Variants in CCSER1 observed in about 807,000 individuals in gnomAD.
The protein encoded by CCSER1 is serine-rich coiled-coil domain-containing protein 1.
A neutral mutation model predicts 82.0 loss-of-function variants in CCSER1; 41 were observed. The observed-to-expected ratio is 0.50, with a 90% CI of 0.39 to 0.65. CCSER1 has a LOEUF of 0.65. CCSER1 is among the 30% of genes least tolerant of loss of function. The pLI, the probability that CCSER1 is intolerant of heterozygous loss-of-function variation, is 0.00. For missense variants in CCSER1, 1,119 were observed against 1,064.2 expected (o/e 1.05, Z -0.72); for synonymous variants, 414 against 383.9 (o/e 1.08, Z -0.92).
chr4:91,089,806 T>G (rs1723766555), intron 10 of CCSER1, among the ~76,000 whole-genome samples: 2 of 152,168 alleles, frequency 1.3e-5, no homozygotes, highest in African/African-American at 4.8e-5. Context: ...TGGGTACATG[T>G]GCCAGTTTTG....
intron 7 of CCSER1, among the ~76,000 whole-genome samples, chr4:90,763,416 A>C (rs1336376105): frequency 6.6e-6 from 1 of 152,112 alleles, no homozygotes; most frequent in East Asian, 1.9e-4. Context: ...AAACAATATT[A>C]AAATTGTTTC....
intron 6 of CCSER1, among the ~76,000 whole-genome samples, chr4:90,639,282 A>G (rs1579638716): frequency 6.6e-6 from 1 of 151,908 alleles, no homozygotes; most frequent in East Asian, 1.9e-4. Context: ...TTGAATCAAT[A>G]TCAATAAAAT....
intron 10 of CCSER1, among the ~76,000 whole-genome samples, chr4:91,225,922 A>T (rs902344045): frequency 6.6e-6 from 1 of 152,016 alleles, no homozygotes; most frequent in African/African-American, 2.4e-5. Context: ...AGCATGCCAC[A>T]AAAGGGAGGT....
intron 10 of CCSER1, chr4:91,112,587 A>C (rs1484512471): frequency 6.6e-6 from 1 of 152,156 alleles, no homozygotes; most frequent in African/African-American, 2.4e-5. Flanking sequence ...GAAAACATTG[A>C]ATCAACCATA....
chr4:90,626,647 T>C (rs1041609443), intron 5 of CCSER1, among the ~76,000 whole-genome samples: 1 of 152,188 alleles, frequency 6.6e-6, no homozygotes, highest in Non-Finnish European at 1.5e-5. Context: ...TAAGTATGTA[T>C]TGCCAGCATT....
intron 10 of CCSER1, among the ~76,000 whole-genome samples, chr4:91,543,993 T>C (rs1761747562): frequency 6.6e-6 from 1 of 152,152 alleles, no homozygotes; most frequent in Non-Finnish European, 1.5e-5. Context: ...GGAGGCTTTG[T>C]TGGTTTCTTT....
Position 90,853,900 on chromosome 4 carries a change from G to A in CCSER1, c.2094+38055G>A, listed in dbSNP as rs148558709. ...AAGGTGTAACAATAAACCATGGGAA[G>A]AGGGGGATGCAGCCCACCTACCCCA... On this transcript the variant is annotated intron_variant, in intron 8 of 10. Coordinates refer to ENST00000509176, the MANE Select transcript of CCSER1 (RefSeq NM_001145065.2). Among the ~76,000 whole-genome samples the A allele has an allele frequency of 5.3e-3, 808 of 152,228 alleles. 8 individuals are homozygous for A. The highest frequency in any genetic ancestry group is 0.018 in the African/African-American group (756 of 41,558).
chr4:90,429,883 T>C (rs1320009265), intron 4 of CCSER1, among the ~76,000 whole-genome samples: 1 of 151,866 alleles, frequency 6.6e-6, no homozygotes, highest in Non-Finnish European at 1.5e-5. Flanking sequence ...GTAGTAGAGA[T>C]TGGGATAAAT....
chr4:90,393,884 A>T (rs7660558), intron 3 of CCSER1, among the ~76,000 whole-genome samples: 13,484 of 146,904 alleles, frequency 0.092, 1,168 homozygotes, highest in African/African-American at 0.23. Context: ...GCTCAAGCAG[A>T]CTTCTTGCCT....
At chr4:90,506,569 C>A (rs1232442385) in intron 5 of CCSER1, among the ~76,000 whole-genome samples, 1 of 151,948 alleles carries the variant, frequency 6.6e-6, no homozygotes. Flanking sequence ...TCGAGACCAG[C>A]CTAGGCAACA....
chr4:90,632,539 C>T (rs1724648029), intron 6 of CCSER1, among the ~76,000 whole-genome samples: 3 of 151,970 alleles, frequency 2.0e-5, no homozygotes, highest in Non-Finnish European at 4.4e-5. Flanking sequence ...GTGAATCTAA[C>T]ATTGTGTTTG....
rs149925030 is a variant in CCSER1 at position 91,363,481 on chromosome 4, TA to T, written c.2218-235088del. Among the ~76,000 whole-genome samples, 1,055 of 151,470 alleles carry T rather than the reference TA, an allele frequency of 7.0e-3. 24 individuals carry two copies. Among genetic ancestry groups the T allele is most frequent in the African/African-American group, 0.024 (996 of 41,400 alleles). ...CTGTTGAAACAGCTGATTCAGTAACTAAACTGGCTTGTCAAGGAATAACTGA... is the reference window on the plus strand; with the variant it reads ...CTGTTGAAACAGCTGATTCAGTAACTAACTGGCTTGTCAAGGAATAACTGA... On this transcript the variant is annotated intron_variant, in intron 10 of 10. Transcript: ENST00000509176.
chr4:90,937,476 T>G (rs1296285040), intron 9 of CCSER1, among the ~76,000 whole-genome samples: 1 of 81,640 alleles, frequency 1.2e-5, no homozygotes. Flanking sequence ...TATTTCTAAT[T>G]TGAAACACAC....
intron 8 of CCSER1, among the ~76,000 whole-genome samples, chr4:90,907,810 A>C (rs912850312): frequency 2.0e-4 from 30 of 152,110 alleles, no homozygotes; most frequent in African/African-American, 7.0e-4. Flanking sequence ...CCCTTAGTTC[A>C]GATTTCATTT....
chr4:91,080,523 A>G (rs1722589769), intron 9 of CCSER1, among the ~76,000 whole-genome samples: 1 of 152,210 alleles, frequency 6.6e-6, no homozygotes, highest in Non-Finnish European at 1.5e-5. Flanking sequence ...AAGCAAGAGC[A>G]AACACATTCA....
In CCSER1 at chr4:90,797,117, A is replaced by G. The variant is rs1034744392; in HGVS notation, c.2011-18645A>G. ...TCCCATGATTATTATGTGAGAGTCA[A>G]AGTCTCTTTGAAGGTCTCCAATAAC... is the stretch of plus-strand genomic sequence containing the variant. On this transcript the variant is annotated intron_variant, in intron 7 of 10. Transcript: ENST00000509176. Among the ~76,000 whole-genome samples, 22 of 152,286 alleles carry G rather than the reference A, an allele frequency of 1.4e-4. 1 individual carries two copies. Among genetic ancestry groups the G allele is most frequent in the Non-Finnish European group, 2.8e-4 (19 of 68,018 alleles).
chr4:90,900,096 T>A (rs1319516980), intron 8 of CCSER1, among the ~76,000 whole-genome samples: 2 of 137,612 alleles, frequency 1.5e-5, no homozygotes, highest in South Asian at 4.4e-4. Flanking sequence ...GTCCCAGAGT[T>A]TTTTTTTTTT....
intron 10 of CCSER1, among the ~76,000 whole-genome samples, chr4:91,186,381 C>T (rs1734534950): frequency 6.6e-6 from 1 of 152,148 alleles, no homozygotes; most frequent in African/African-American, 2.4e-5. Context: ...CCTGATGCTT[C>T]CGAGCTCCCC....
intron 1 of CCSER1, among the ~76,000 whole-genome samples, chr4:90,236,176 G>T (rs1033545469): frequency 6.6e-6 from 1 of 152,078 alleles, no homozygotes; most frequent in Non-Finnish European, 1.5e-5. Context: ...CAGTCCTCCC[G>T]CTGTGGCCTC....
Sources: gnomAD v4.1 joint callset for allele counts (sites outside exome capture counted in the v4.1 genomes callset) on GRCh38, gnomAD v4.1.1 for gene constraint, MANE v1.5 for transcripts, NCBI Gene and HGNC (gene_info 2026-07-23, HGNC 2026-07-21) for gene names.